GPI: variants seen among roughly 807,000 people sequenced by gnomAD.
The protein encoded by GPI is glucose-6-phosphate isomerase.
In GPI, 56 loss-of-function variants were observed where a neutral mutation model predicts 75.8. That is an observed-to-expected ratio of 0.74 (90% CI 0.60 to 0.92). GPI has a LOEUF of 0.92. Among genes scored for constraint, GPI ranks in the 40% least tolerant of loss-of-function variants. GPI has a pLI of 0.00. For missense variants in GPI, 638 were observed against 741.0 expected, an observed-to-expected ratio of 0.86 and a Z score of 1.61; for synonymous variants, 288 against 285.4, an observed-to-expected ratio of 1.01 and a Z score of -0.09.
upstream of GPI, chr19:34,364,992 A>G (rs1405927228): frequency 6.5e-7 from 1 of 1,532,884 alleles, no homozygotes; most frequent in Admixed American, 2.0e-5. Flanking sequence ...ACTTCCGGGC[A>G]GAGGCCAGCA....
chr19:34,377,337 AT>A lies in GPI; in HGVS notation c.403-165del, dbSNP rs1415351154. Among the ~76,000 whole-genome samples, 90 of 25,916 alleles carry A rather than the reference AT, an allele frequency of 3.5e-3. 1 individual carries two copies. The highest frequency in any genetic ancestry group is 4.5e-3 in the Non-Finnish European group (72 of 15,894). The allele number at this position is 25,916 out of a possible 152,430, so 17.0% of individuals were successfully genotyped here. The stretch of plus-strand genomic sequence containing the variant: ...AAAAAAAAAAAAAAAAAAAAAAAAA[AT>A]ATATATATATATATATATATGGTAA... On this transcript the variant is annotated intron_variant, in intron 4 of 17. Transcript: ENST00000356487.
At chr19:34,374,432 G>A (rs2074502621) in intron 4 of GPI, among the ~76,000 whole-genome samples, 1 of 152,116 alleles carries the variant, frequency 6.6e-6, no homozygotes, top group African/African-American at 2.4e-5. Context: ...CCCGCTTCTG[G>A]CGCCTAGTGA....
At chr19:34,374,798 C>T (rs2074509103) in intron 4 of GPI, among the ~76,000 whole-genome samples, 1 of 150,420 alleles carries the variant, frequency 6.6e-6, no homozygotes, top group African/African-American at 2.4e-5. Context: ...GGTGCAGTCA[C>T]TGCTCACTGC....
At chr19:34,363,878 G>A (rs2074318135), upstream of GPI, among the ~76,000 whole-genome samples, 1 of 152,164 alleles carries the variant, frequency 6.6e-6, no homozygotes. Context: ...AGCACTACCA[G>A]GGTTGTGCTA....
chr19:34,383,771 A>C (rs571009773), intron 9 of GPI, among the ~76,000 whole-genome samples: 1 of 152,116 alleles, frequency 6.6e-6, no homozygotes, highest in Non-Finnish European at 1.5e-5. Flanking sequence ...TGAGTGGCTC[A>C]GGTTGGGTAA....
rs1469089107 is a variant in GPI, at chr19:34,400,376, A to C, written c.*340A>C. On this transcript the variant is annotated 3_prime_UTR_variant, in exon 18 of 18. Transcript: ENST00000356487. ...TTTTTTTTTCCTGTGATGGTGCTTT[A>C]TGTAGCAGAGGGCAGGAGCGCTCAG... is the stretch of plus-strand genomic sequence containing the variant. 6.7e-6 allele frequency: 4 copies of C among 597,892 alleles called. No homozygotes were observed. The highest frequency in any genetic ancestry group is 1.2e-5 in the Non-Finnish European group (4 of 337,498). The allele number at this position is 597,892 out of a possible 1,614,324, so 37.0% of individuals were successfully genotyped here.
Position 34,371,786 on chromosome 19 carries a change from T to G in GPI, c.402+3084T>G, listed in dbSNP as rs1271766849. ...AGGAGAATCACTTGAACCCCAGAGG[T>G]GGAGGTTGCAGTGAGCCAAGATCAC... On this transcript the variant is annotated intron_variant, in intron 4 of 17. Transcript: ENST00000356487. 2.7e-5 allele frequency among the ~76,000 whole-genome samples: 4 copies of G among 149,474 alleles called. No individual in the cohort carries two copies. In the East Asian group the frequency reaches 8.2e-4, roughly 31 times the overall value.
rs536683131 is a variant in GPI, at chr19:34,378,940, A to G, written c.640A>G (p.Thr214Ala). ...CTGTTCTCTTTGGTTGCAGACCTTT[A>G]CTACCCAGGAGACCATCACGAATGC... ...SLFIIASKTF[T>A]TQETITNAET... Residue 214 changes from threonine (T) to alanine (A), a missense_variant, in exon 7 of 18, where the codon ACT becomes GCT. Physicochemically the swap from Thr to Ala is moderately conservative, Grantham distance 58. Transcript: ENST00000356487. 9 of 1,614,064 alleles carry G rather than the reference A, an allele frequency of 5.6e-6. No homozygotes were observed. The highest frequency in any genetic ancestry group is 1.6e-4 in the Middle Eastern group (1 of 6,062).
chr19:34,372,133 G>A (rs2074463228), intron 4 of GPI, among the ~76,000 whole-genome samples: 1 of 151,848 alleles, frequency 6.6e-6, no homozygotes, highest in Admixed American at 6.6e-5. Context: ...GTTTCACCAT[G>A]TTGGTCAGGC....
chr19:34,360,372 C>G (rs892857721), upstream of GPI, among the ~76,000 whole-genome samples: 2 of 152,156 alleles, frequency 1.3e-5, no homozygotes, highest in South Asian at 2.1e-4. Flanking sequence ...GCAGGAAGAT[C>G]TCTTGAAGCC....
Position 34,367,020 on chromosome 19 carries a change from GC to G in GPI, c.282+171del, listed in dbSNP as rs1377829496. ...TGCTTGTAGCAGGGCTTTGGGGTGT[GC>G]CTTCCACAAGATTGGTTTGGTGAGC... On this transcript the variant is annotated intron_variant, in intron 3 of 17. Coordinates refer to ENST00000356487, the MANE Select transcript of GPI (RefSeq NM_000175.5). 4.3e-6 allele frequency: 3 copies of G among 705,100 alleles called. No homozygotes were observed. The African/African-American group carries it at 5.2e-5, about 12-fold the overall frequency. 43.7% of individuals were successfully genotyped at this position (705,100 alleles called of 1,614,324 possible).
At chr19:34,376,923 C>G (rs1478403958) in intron 4 of GPI, among the ~76,000 whole-genome samples, 2 of 151,852 alleles carry the variant, frequency 1.3e-5, no homozygotes, top group African/African-American at 2.4e-5. Context: ...GCTGGTGGCG[C>G]AGGCTTGTAG....
At chr19:34,364,819 C>T (rs2145309413), upstream of GPI, 1 of 575,064 alleles carries the variant, frequency 1.7e-6, no homozygotes, top group Non-Finnish European at 2.9e-6. Flanking sequence ...GCGCCTAGAA[C>T]ACTGCCTGTA....
intron 4 of GPI, among the ~76,000 whole-genome samples, chr19:34,373,809 T>A (rs1344636096): frequency 6.6e-6 from 1 of 152,162 alleles, no homozygotes; most frequent in Non-Finnish European, 1.5e-5. Context: ...GCTTTGAAGA[T>A]GGCTCACTAG....
In GPI at chr19:34,400,951, C is replaced by T. The variant is rs147161659; in HGVS notation, c.*915C>T. ...ATGTTGGGCAGGCTGGTCTTGAACT[C>T]CTGACCTCAGGTGATCTGCCCGCCT... On this transcript the variant is annotated 3_prime_UTR_variant, in exon 18 of 18. Transcript: ENST00000356487. 1,396 of 229,640 alleles carry T rather than the reference C, an allele frequency of 6.1e-3. 23 individuals carry two copies. Among genetic ancestry groups the T allele is most frequent in the African/African-American group, 0.03 (1,314 of 44,200 alleles). The allele number at this position is 229,640 out of a possible 1,614,324, so 14.2% of individuals were successfully genotyped here.
At chr19:34,374,219 A>G (rs2074499123) in intron 4 of GPI, among the ~76,000 whole-genome samples, 1 of 149,996 alleles carries the variant, frequency 6.7e-6, no homozygotes. Context: ...CCTGATCTCA[A>G]GTGATCCGCC....
chr19:34,381,646 A>G (rs2074655589), intron 9 of GPI, 127 bp downstream of exon 9: 2 of 798,648 alleles, frequency 2.5e-6, no homozygotes, highest in Admixed American at 3.5e-5. Context: ...GGGGAAAGGT[A>G]GAGAGGCCCT....
In GPI at chr19:34,393,540, C is replaced by T; in HGVS notation, c.866-188C>T. 2.8e-6 allele frequency: 2 copies of T among 713,284 alleles called. No individual in the cohort carries two copies. Among genetic ancestry groups the T allele is most frequent in the South Asian group, 3.2e-5 (2 of 62,512 alleles). 44.2% of individuals were successfully genotyped at this position (713,284 alleles called of 1,614,324 possible). Reference sequence around the variant, plus strand: ...ACTGCAGTCCTGTTTCTCTCCTATCCTAGGCAGAGTCAGATCCCTGCACTC... The same window carrying T: ...ACTGCAGTCCTGTTTCTCTCCTATCTTAGGCAGAGTCAGATCCCTGCACTC... On this transcript the variant is annotated intron_variant, in intron 10 of 17. Transcript: ENST00000356487. The surrounding 1 kb of genome is among the most constrained non-coding windows in gnomAD (Gnocchi z 4.4).
rs1012868806 is a variant in GPI, at chr19:34,367,426, T to C, written c.282+575T>C. On this transcript the variant is annotated intron_variant, in intron 3 of 17. Coordinates refer to ENST00000356487, the MANE Select transcript of GPI (RefSeq NM_000175.5). The stretch of plus-strand genomic sequence containing the variant: ...GATGTCATAGCTGTAAGAGGCAGAA[T>C]GGAGATTCACACTCAACCTGTCTTG... 4.6e-5 allele frequency among the ~76,000 whole-genome samples: 7 copies of C among 152,320 alleles called. No homozygotes were observed. In the East Asian group the frequency reaches 7.7e-4, roughly 17 times the overall value.
Sources: gnomAD v4.1 joint callset for allele counts (sites outside exome capture counted in the v4.1 genomes callset) on GRCh38, gnomAD v4.1.1 for gene constraint, Gnocchi (gnomAD v3.1) non-coding constraint, MANE v1.5 for transcripts, NCBI Gene and HGNC (gene_info 2026-07-23, HGNC 2026-07-21) for gene names.